RANBP2: variants seen among roughly 807,000 people sequenced by gnomAD.
RANBP2 encodes RAN binding protein 2.
Under a neutral mutation model 303.6 loss-of-function variants are expected in RANBP2, and 57 were observed. The observed-to-expected ratio is 0.19, with a 90% CI of 0.15 to 0.23. The LOEUF is 0.23. Among genes scored for constraint, RANBP2 ranks in the 10% least tolerant of loss-of-function variants. RANBP2 has a pLI of 1.00. For synonymous variants in RANBP2, 1,167 were observed against 1,301.5 expected (o/e 0.90, Z 2.23); for missense variants, 3,138 against 3,780.8 (o/e 0.83, Z 4.46).
At chr2:109,178,740 G>T in the RANBP2 span, among the ~76,000 whole-genome samples, 1 of 152,168 alleles carries the variant, frequency 6.6e-6, no homozygotes, top group East Asian at 1.9e-4. Context: ...TAATTGGTGT[G>T]TCGTGTAGTT....
At chr2:109,078,829 A>C in the RANBP2 span, among the ~76,000 whole-genome samples, 1 of 150,578 alleles carries the variant, frequency 6.6e-6, no homozygotes, top group Non-Finnish European at 1.5e-5. Flanking sequence ...AAAAATACAA[A>C]AAAAAAAAAA....
chr2:109,202,607 A>G, the RANBP2 span, among the ~76,000 whole-genome samples: 3 of 152,102 alleles, frequency 2.0e-5, no homozygotes, highest in Non-Finnish European at 4.4e-5. Context: ...TTTTCAGAGC[A>G]TAGAGGGTGA....
chr2:108,753,451 A>G lies in RANBP2; in HGVS notation c.1943A>G (p.Glu648Gly), dbSNP rs1676062804. The change falls in exon 14 of 29, where the codon GAA becomes GGA. Residue 648 changes from glutamate (E) to glycine (G), a missense_variant. Around this residue, in one of 20 missense-constraint regions of RANBP2, gnomAD observed 162 missense variants for 286.9 expected, o/e 0.56. Transcript: ENST00000283195. ...GCATCAGAAATTGTTGAATATGAAG[A>G]AGACGCACACATAACTTTTGCTATA... ...IQASEIVEYE[E>G]DAHITFAILD... The G allele has an allele frequency of 6.2e-7, 1 of 1,611,738 alleles. No individual in the cohort carries two copies. The highest frequency in any genetic ancestry group is 1.7e-5 in the Admixed American group (1 of 60,002).
the RANBP2 span, among the ~76,000 whole-genome samples, chr2:108,978,986 G>T: frequency 4.6e-5 from 7 of 152,332 alleles, no homozygotes; most frequent in South Asian, 1.4e-3. Flanking sequence ...GGGCAGGAGG[G>T]GGTGTAGTGT....
At chr2:109,046,368 CTT>C in the RANBP2 span, among the ~76,000 whole-genome samples, 1 of 132,942 alleles carries the variant, frequency 7.5e-6, no homozygotes, top group Non-Finnish European at 1.6e-5. Context: ...TGGGTAACTG[CTT>C]TTTTTTTTTT....
the RANBP2 span, among the ~76,000 whole-genome samples, chr2:109,577,049 T>C: frequency 6.6e-6 from 1 of 151,524 alleles, no homozygotes; most frequent in Admixed American, 6.6e-5. Flanking sequence ...CAAAACTGGA[T>C]AACAATAAAA....
At chr2:109,703,948 G>A in the RANBP2 span, among the ~76,000 whole-genome samples, 5 of 152,304 alleles carry the variant, frequency 3.3e-5, no homozygotes, top group African/African-American at 9.6e-5. Context: ...ACCATGAGTA[G>A]CAGTGCTGTA....
the RANBP2 span, among the ~76,000 whole-genome samples, chr2:109,057,773 C>T: frequency 1.3e-5 from 2 of 152,168 alleles, no homozygotes; most frequent in Non-Finnish European, 2.9e-5. Flanking sequence ...CGCCCCGCCC[C>T]GGGACAAAGA....
At chr2:109,405,369 C>T in the RANBP2 span, among the ~76,000 whole-genome samples, 7 of 152,194 alleles carry the variant, frequency 4.6e-5, no homozygotes, top group African/African-American at 1.7e-4. Context: ...AACACTGACT[C>T]CCTGCCCCTG....
the RANBP2 span, among the ~76,000 whole-genome samples, chr2:109,123,190 GA>G: frequency 1.3e-5 from 2 of 152,180 alleles, no homozygotes; most frequent in African/African-American, 4.8e-5. Flanking sequence ...CAGAGGTAGT[GA>G]CACCCTCATA....
At chr2:109,541,385 T>C in the RANBP2 span, among the ~76,000 whole-genome samples, 1 of 152,222 alleles carries the variant, frequency 6.6e-6, no homozygotes, top group Non-Finnish European at 1.5e-5. Context: ...TACATTCCTT[T>C]CTACATCAGT....
the RANBP2 span, among the ~76,000 whole-genome samples, chr2:109,573,915 T>C: frequency 6.6e-6 from 1 of 152,188 alleles, no homozygotes; most frequent in Non-Finnish European, 1.5e-5. Flanking sequence ...AATGCAACAT[T>C]AGACCTTAAT....
chr2:109,662,783 T>C, the RANBP2 span, among the ~76,000 whole-genome samples: 17 of 152,308 alleles, frequency 1.1e-4, no homozygotes, highest in African/African-American at 3.8e-4. Flanking sequence ...CATTGGTATC[T>C]GCTTCTCAGA....
At chr2:109,013,595 C>CT in the RANBP2 span, among the ~76,000 whole-genome samples, 378 of 144,740 alleles carry the variant, frequency 2.6e-3, 2 homozygotes, top group South Asian at 0.015. Flanking sequence ...TCTTTCCAAT[C>CT]TTTTTTTTTT....
At chr2:109,042,784 C>A in the RANBP2 span, among the ~76,000 whole-genome samples, 1 of 152,186 alleles carries the variant, frequency 6.6e-6, no homozygotes, top group African/African-American at 2.4e-5. Flanking sequence ...CCATTGTGAT[C>A]ATAAGTTTAC....
chr2:109,520,013 G>A, the RANBP2 span, among the ~76,000 whole-genome samples: 4 of 152,204 alleles, frequency 2.6e-5, no homozygotes, highest in Admixed American at 2.0e-4. Context: ...AAATTACATG[G>A]AAATAAATAC....
chr2:109,110,467 G>A, the RANBP2 span, among the ~76,000 whole-genome samples: 2 of 152,138 alleles, frequency 1.3e-5, no homozygotes, highest in African/African-American at 4.8e-5. Flanking sequence ...GAATATTTGC[G>A]AGCTCCCTTT....
chr2:108,743,081 G>T (rs568854179), intron 7 of RANBP2, among the ~76,000 whole-genome samples: 1 of 151,962 alleles, frequency 6.6e-6, no homozygotes, highest in Non-Finnish European at 1.5e-5. Context: ...GAGCCACCGC[G>T]CCCTGCCAAT....
At chr2:109,517,257 C>T in the RANBP2 span, among the ~76,000 whole-genome samples, 2 of 152,146 alleles carry the variant, frequency 1.3e-5, no homozygotes, top group East Asian at 3.9e-4. Context: ...CCCACGCCAT[C>T]GCCCATGACT....
Sources: gnomAD v4.1 joint callset for allele counts (sites outside exome capture counted in the v4.1 genomes callset) on GRCh38, gnomAD v4.1.1 for gene constraint, gnomAD v4.1.1 regional missense constraint, MANE v1.5 for transcripts, NCBI Gene and HGNC (gene_info 2026-07-23, HGNC 2026-07-21) for gene names.